The following ADD2 variants were observed in gnomAD, a reference collection of about 807,000 sequenced individuals.
ADD2 encodes the protein beta-adducin.
A neutral mutation model predicts 83.0 loss-of-function variants in ADD2; 23 were observed. The observed-to-expected ratio is 0.28, with a 90% CI of 0.20 to 0.39. ADD2 has a LOEUF of 0.39. Ranked by LOEUF, ADD2 falls within the 10% of genes least tolerant of loss-of-function variation. The pLI, the probability that ADD2 is intolerant of heterozygous loss-of-function variation, is 1.00. For synonymous variants in ADD2, 375 were observed against 375.4 expected (o/e 1.00, Z 0.01); for missense variants, 758 against 944.9 (o/e 0.80, Z 2.59).
intron 1 of ADD2, among the ~76,000 whole-genome samples, chr2:70,714,383 C>T (rs1321927480): frequency 6.6e-6 from 1 of 152,114 alleles, no homozygotes; most frequent in Admixed American, 6.5e-5. Context: ...AGAGACTCGT[C>T]CCACCAATGA....
rs1483116561 is a variant in ADD2 at position 70,663,167 on chromosome 2, C to A, written c.*258G>T. ...GCAGTGTTGTGTAGTAGAAGGAGCA[C>A]TGGACTGGAAGTCAGGAGACCTGAA... On this transcript the variant is annotated 3_prime_UTR_variant, in exon 16 of 16. Coordinates refer to ENST00000264436, the MANE Select transcript of ADD2 (RefSeq NM_001617.4). 2 of 470,408 alleles carry A rather than the reference C, an allele frequency of 4.3e-6. No homozygotes were observed. Among genetic ancestry groups the A allele is most frequent in the Non-Finnish European group, 7.7e-6 (2 of 260,942 alleles). The allele number at this position is 470,408 out of a possible 1,614,324, so 29.1% of individuals were successfully genotyped here.
intron 1 of ADD2, among the ~76,000 whole-genome samples, chr2:70,720,786 T>C (rs1181269124): frequency 6.6e-6 from 1 of 152,188 alleles, no homozygotes; most frequent in East Asian, 1.9e-4. Flanking sequence ...AGGCCTGCTT[T>C]TGTCTGGACA....
At chr2:70,729,851 C>T (rs940777462) in intron 1 of ADD2, among the ~76,000 whole-genome samples, 1 of 152,172 alleles carries the variant, frequency 6.6e-6, no homozygotes, top group Non-Finnish European at 1.5e-5. Flanking sequence ...CAGGTCACTG[C>T]CTGCTTCCAG....
chr2:70,679,695 A>AT (rs1215154704), intron 10 of ADD2, among the ~76,000 whole-genome samples: 1 of 131,148 alleles, frequency 7.6e-6, no homozygotes, highest in Admixed American at 7.7e-5. Flanking sequence ...ATTAAGCAAA[A>AT]TTAAAAAAAA....
At chr2:70,751,744 T>G (rs1674515344) in intron 1 of ADD2, among the ~76,000 whole-genome samples, 1 of 152,214 alleles carries the variant, frequency 6.6e-6, no homozygotes, top group Non-Finnish European at 1.5e-5. Flanking sequence ...ACTATTTAGG[T>G]TGTTTTATCC....
At chr2:70,678,017 G>A in intron 11 of ADD2, 140 bp from the exon 12 acceptor site, 4 of 1,153,482 alleles carry the variant, frequency 3.5e-6, no homozygotes, top group Non-Finnish European at 4.9e-6. Context: ...CTCTTCTTAG[G>A]CCTCTTTGAT....
intron 1 of ADD2, among the ~76,000 whole-genome samples, chr2:70,742,593 A>G (rs1673974470): frequency 6.6e-6 from 1 of 152,246 alleles, no homozygotes; most frequent in Non-Finnish European, 1.5e-5. Flanking sequence ...GTCAGGCTCA[A>G]CTGGTACCTA....
intron 6 of ADD2, among the ~76,000 whole-genome samples, chr2:70,695,005 C>G (rs958770647): frequency 6.6e-6 from 1 of 152,080 alleles, no homozygotes; most frequent in African/African-American, 2.4e-5. Context: ...CCTTTCTTAC[C>G]TCTCAAGTGG....
intron 1 of ADD2, among the ~76,000 whole-genome samples, chr2:70,748,505 C>T (rs1674345285): frequency 6.6e-6 from 1 of 152,132 alleles, no homozygotes; most frequent in Admixed American, 6.5e-5. Flanking sequence ...ATAGGCTCCT[C>T]ATAGCAGGTC....
intron 15 of ADD2, 39 bp downstream of exon 15, chr2:70,672,839 C>T (rs1553367353): frequency 1.9e-6 from 3 of 1,576,262 alleles, no homozygotes; most frequent in Middle Eastern, 1.9e-4. Flanking sequence ...TGCAGATGCA[C>T]CCCTCTCCCT....
In ADD2 at chr2:70,658,093, T is replaced by C. The variant is rs1553364405; in HGVS notation, c.*5332A>G. 6.6e-6 allele frequency: 1 copy of C among 152,222 alleles called. No individual in the cohort carries two copies. The highest frequency in any genetic ancestry group is 2.4e-5 in the African/African-American group (1 of 41,452). The allele number at this position is 152,222 out of a possible 1,614,324, so 9.4% of individuals were successfully genotyped here. A position where few individuals can be genotyped will look rare whatever the true frequency, so the allele number is the denominator to read the frequency against. ...ACCAATGCGACCCATTGTTTCTGTA[T>C]ACATAAGAACACTCCCAGCTGGAGA... is the stretch of plus-strand genomic sequence containing the variant. On this transcript the variant is annotated 3_prime_UTR_variant, in exon 16 of 16. Transcript: ENST00000264436.
chr2:70,698,193 T>A (rs1553373007), intron 4 of ADD2, among the ~76,000 whole-genome samples: 1 of 152,110 alleles, frequency 6.6e-6, no homozygotes. Context: ...CCACAGTTCT[T>A]TGAATACTTC....
rs782134790 is a variant in ADD2 at position 70,663,382 on chromosome 2, G to A, written c.*43C>T. The A allele has an allele frequency of 6.4e-7, 1 of 1,556,880 alleles. No individual in the cohort carries two copies. Among genetic ancestry groups the A allele is most frequent in the Middle Eastern group, 2.0e-4 (1 of 4,912 alleles). ...GGACAGAGATGGGAGAAGGGAAGGGGAGGAGAGAGAGGAGGCAGGAGGGAG... is the reference window on the plus strand; with the variant it reads ...GGACAGAGATGGGAGAAGGGAAGGGAAGGAGAGAGAGGAGGCAGGAGGGAG... On this transcript the variant is annotated 3_prime_UTR_variant, in exon 16 of 16. Coordinates refer to ENST00000264436, the MANE Select transcript of ADD2 (RefSeq NM_001617.4).
At position 70,664,746 on chromosome 2, in the gene ADD2, TGTGG is replaced by T. The variant is rs781795600; in HGVS notation, c.1871-1015_1871-1012del. Among the ~76,000 whole-genome samples, 13 of 125,480 alleles carry T rather than the reference TGTGG, an allele frequency of 1.0e-4. 1 individual carries two copies. In the South Asian group the frequency reaches 1.4e-3, roughly 13 times the overall value. 82.3% of individuals were successfully genotyped at this position (125,480 alleles called of 152,430 possible). A position where few individuals can be genotyped will look rare whatever the true frequency, so the allele number is the denominator to read the frequency against. On this transcript the variant is annotated intron_variant, in intron 15 of 15. Transcript: ENST00000264436. Reference sequence around the variant, plus strand: ...GTGTGTGTGAGTGTGCAAGTGTGTGTGTGGGTGTGTGAGGGTGTGCAAGTGTGAG... The same window carrying T: ...GTGTGTGTGAGTGTGCAAGTGTGTGTGTGTGTGAGGGTGTGCAAGTGTGAG...
intron 10 of ADD2, among the ~76,000 whole-genome samples, chr2:70,680,116 G>A (rs924794102): frequency 6.6e-6 from 1 of 152,064 alleles, no homozygotes; most frequent in Non-Finnish European, 1.5e-5. Context: ...TGCCGTGCTT[G>A]ATAAGTCTTC....
chr2:70,672,766 G>A (rs1247673648), intron 15 of ADD2, 112 bp downstream of exon 15: 1 of 1,255,070 alleles, frequency 8.0e-7, no homozygotes, highest in Non-Finnish European at 1.1e-6. Context: ...CCTAGAAATA[G>A]CAGAGGGGAA....
intron 6 of ADD2, among the ~76,000 whole-genome samples, chr2:70,693,579 T>G (rs185639244): frequency 6.6e-6 from 1 of 152,192 alleles, no homozygotes; most frequent in Non-Finnish European, 1.5e-5. Context: ...ATCAGGAAGA[T>G]GTTCAACAAA....
intron 6 of ADD2, 26 bp from the exon 7 acceptor site, chr2:70,692,578 A>T (rs782646978): frequency 1.3e-6 from 2 of 1,568,242 alleles, no homozygotes; most frequent in South Asian, 2.4e-5. Context: ...AGAGAGACTT[A>T]TGGCAACAGG....
At chr2:70,695,657 G>A in intron 6 of ADD2, 64 bp downstream of exon 6, 2 of 1,488,926 alleles carry the variant, frequency 1.3e-6, no homozygotes, top group Non-Finnish European at 9.4e-7. Context: ...ACCTAGCACT[G>A]TGGGAACAGA....
Sources: allele counts gnomAD v4.1 joint callset (sites outside exome capture counted in the v4.1 genomes callset), GRCh38; gene constraint gnomAD v4.1.1; transcripts MANE v1.5; gene names NCBI Gene and HGNC (gene_info 2026-07-23, HGNC 2026-07-21).